Variants in RAD9B observed in about 807,000 individuals in gnomAD.
RAD9B encodes RAD9 checkpoint clamp component B.
A neutral mutation model predicts 48.3 loss-of-function variants in RAD9B; 41 were observed. That is an observed-to-expected ratio of 0.85 (90% CI 0.66 to 1.10). The LOEUF is 1.10. Ranked by LOEUF, RAD9B falls within the 50% of genes least tolerant of loss-of-function variation. RAD9B has a pLI of 0.00. For synonymous variants in RAD9B, 160 were observed against 157.9 expected, an observed-to-expected ratio of 1.01 and a Z score of -0.10; for missense variants, 444 against 485.1, an observed-to-expected ratio of 0.92 and a Z score of 0.80.
At chr12:110,520,198 T>G (rs1245831680) in intron 9 of RAD9B, among the ~76,000 whole-genome samples, 1 of 151,962 alleles carries the variant, frequency 6.6e-6, no homozygotes, top group Non-Finnish European at 1.5e-5. Flanking sequence ...TTAGTTTTTG[T>G]TGTTGTTGTT....
In RAD9B at chr12:110,533,460, A is replaced by C. The variant is rs2064186095; in HGVS notation, c.*2807A>C. 1 of 152,210 alleles carries C rather than the reference A, an allele frequency of 6.6e-6. No homozygotes were observed. The highest frequency in any genetic ancestry group is 1.5e-5 in the Non-Finnish European group (1 of 68,044). 9.4% of individuals were successfully genotyped at this position (152,210 alleles called of 1,614,324 possible). ...CATTATTTAGCCATCTTTGCCACAA[A>C]CTACCTGCTAACAGTTAAAATTCTG... On this transcript the variant is annotated 3_prime_UTR_variant, in exon 11 of 11. Transcript: ENST00000409300.
chr12:110,529,106 A>T (rs574999511), intron 10 of RAD9B, among the ~76,000 whole-genome samples: 1 of 151,956 alleles, frequency 6.6e-6, no homozygotes, highest in Non-Finnish European at 1.5e-5. Context: ...ACAATTAGAG[A>T]TAAAGCAGTA....
chr12:110,507,454 C>T (rs988702028), intron 4 of RAD9B, among the ~76,000 whole-genome samples: 24 of 123,264 alleles, frequency 1.9e-4, no homozygotes, highest in African/African-American at 5.2e-4. Flanking sequence ...ATATATAACA[C>T]GTATTAAGTA....
At chr12:110,511,409 G>T in intron 4 of RAD9B, 1 of 428,734 alleles carries the variant, frequency 2.3e-6, no homozygotes, top group South Asian at 1.7e-5. Flanking sequence ...TAAAAATAAT[G>T]AAATCTTGTC....
At chr12:110,519,548 A>T (rs762456031) in intron 8 of RAD9B, among the ~76,000 whole-genome samples, 5 of 151,914 alleles carry the variant, frequency 3.3e-5, no homozygotes, top group Non-Finnish European at 7.4e-5. Flanking sequence ...CTTCTGCCTT[A>T]GCCTCTTGAG....
intron 5 of RAD9B, among the ~76,000 whole-genome samples, chr12:110,514,215 A>G (rs1165822420): frequency 6.6e-6 from 1 of 152,202 alleles, no homozygotes; most frequent in African/African-American, 2.4e-5. Flanking sequence ...TGATAGCAAG[A>G]AACACCGTTA....
intron 1 of RAD9B, 158 bp downstream of exon 1, chr12:110,502,541 T>G: frequency 2.7e-6 from 2 of 749,872 alleles, no homozygotes; most frequent in Non-Finnish European, 4.4e-6. Context: ...CCCTGTTAAC[T>G]TCTGAGGGGA....
chr12:110,506,196 A>AT (rs562343192), intron 3 of RAD9B, among the ~76,000 whole-genome samples: 2,554 of 126,040 alleles, frequency 0.02, 34 homozygotes, highest in South Asian at 0.064. Flanking sequence ...AAGTCTGTTC[A>AT]TTTTTTTTTT....
At chr12:110,511,804 C>T (rs1314723528) in intron 4 of RAD9B, among the ~76,000 whole-genome samples, 1 of 152,096 alleles carries the variant, frequency 6.6e-6, no homozygotes, top group Non-Finnish European at 1.5e-5. Context: ...GATAATTACA[C>T]AGTCTGTGCA....
intron 9 of RAD9B, among the ~76,000 whole-genome samples, chr12:110,521,491 C>T (rs2063783701): frequency 6.6e-6 from 1 of 151,458 alleles, no homozygotes; most frequent in African/African-American, 2.4e-5. Flanking sequence ...GATCATAGAG[C>T]ATATGCGGTT....
At chr12:110,514,565 C>T (rs2063556027) in intron 5 of RAD9B, among the ~76,000 whole-genome samples, 1 of 152,082 alleles carries the variant, frequency 6.6e-6, no homozygotes, top group African/African-American at 2.4e-5. Context: ...GTCAAGAGAA[C>T]CTTGAAAGCA....
intron 4 of RAD9B, chr12:110,511,362 A>T (rs1324496761): frequency 2.6e-5 from 7 of 272,446 alleles, no homozygotes; most frequent in Non-Finnish European, 5.5e-5. Flanking sequence ...GATAAAGAAA[A>T]TGTAGTATAT....
chr12:110,523,456 G>T (rs74836173), intron 10 of RAD9B, among the ~76,000 whole-genome samples: 7,008 of 152,132 alleles, frequency 0.046, 222 homozygotes, highest in Middle Eastern at 0.099. Context: ...ACCATATTAC[G>T]CTGTATATGA....
chr12:110,508,831 A>G (rs758311810), intron 4 of RAD9B, among the ~76,000 whole-genome samples: 3 of 151,980 alleles, frequency 2.0e-5, no homozygotes, highest in Non-Finnish European at 4.4e-5. Context: ...GTCACCCAGG[A>G]TGGAGCAGGA....
At chr12:110,514,037 C>T (rs1366822162) in intron 5 of RAD9B, among the ~76,000 whole-genome samples, 3 of 151,646 alleles carry the variant, frequency 2.0e-5, no homozygotes, top group Non-Finnish European at 4.4e-5. Flanking sequence ...CCCTTCCTTC[C>T]TTCCTTCCTT....
intron 4 of RAD9B, among the ~76,000 whole-genome samples, chr12:110,508,470 T>G: frequency 6.6e-6 from 1 of 152,338 alleles, no homozygotes; most frequent in East Asian, 1.9e-4. Context: ...GGTTAATTAT[T>G]TAATGGTTTT....
intron 1 of RAD9B, chr12:110,502,649 A>C: frequency 2.0e-6 from 1 of 494,248 alleles, no homozygotes; most frequent in Non-Finnish European, 3.6e-6. Flanking sequence ...CGGGATGCTG[A>C]GGACTGCATG....
intron 4 of RAD9B, among the ~76,000 whole-genome samples, chr12:110,510,163 G>A (rs1402666769): frequency 1.3e-5 from 2 of 152,138 alleles, no homozygotes; most frequent in African/African-American, 4.8e-5. Context: ...AGAAGCCCTG[G>A]CATGTTTCCT....
intron 10 of RAD9B, among the ~76,000 whole-genome samples, chr12:110,523,935 CTTA>C (rs1387820661): frequency 1.3e-5 from 2 of 152,156 alleles, no homozygotes; most frequent in African/African-American, 2.4e-5. Context: ...GATGTAGACC[CTTA>C]TCATGTTCTG....
Sources: allele counts gnomAD v4.1 joint callset (sites outside exome capture counted in the v4.1 genomes callset), GRCh38; gene constraint gnomAD v4.1.1; transcripts MANE v1.5; gene names NCBI Gene and HGNC (gene_info 2026-07-23, HGNC 2026-07-21).